CSGALNACT1: variants seen among roughly 807,000 people sequenced by gnomAD.
CSGALNACT1 encodes the protein beta4GalNAcT-1.
In CSGALNACT1, 52 loss-of-function variants were observed where a neutral mutation model predicts 51.0. The ratio of observed to expected loss-of-function variants is 1.02; its 90% CI spans 0.82 to 1.29. The LOEUF (loss-of-function observed/expected upper bound fraction) is 1.29, where lower values mean the gene tolerates loss of function less well. Among genes scored for constraint, CSGALNACT1 ranks in the 50% most tolerant of loss-of-function variants. CSGALNACT1 has a pLI of 0.00. For missense variants in CSGALNACT1, 935 were observed against 679.2 expected (o/e 1.38, Z -4.19); for synonymous variants, 341 against 254.4 (o/e 1.34, Z -3.24).
chr8:19,545,852 T>C (rs2086341256), intron 3 of CSGALNACT1, among the ~76,000 whole-genome samples: 1 of 148,314 alleles, frequency 6.7e-6, no homozygotes, highest in South Asian at 2.1e-4. Context: ...ATAATAGTTA[T>C]ATACTATATA....
intron 3 of CSGALNACT1, among the ~76,000 whole-genome samples, chr8:19,517,962 C>G (rs1587704691): frequency 6.6e-6 from 1 of 152,192 alleles, no homozygotes; most frequent in Non-Finnish European, 1.5e-5. Flanking sequence ...AACTAACATT[C>G]TTCTGTGCAG....
At chr8:19,454,788 G>GT (rs1491218491) in intron 5 of CSGALNACT1, among the ~76,000 whole-genome samples, 4 of 113,208 alleles carry the variant, frequency 3.5e-5, no homozygotes, top group African/African-American at 1.2e-4. Flanking sequence ...ACAAAATGTA[G>GT]TAAAAAAAAA....
rs912588721 is a variant in CSGALNACT1 at position 19,664,340 on chromosome 8, C to T, written c.-544+18133G>A. Among the ~76,000 whole-genome samples the T allele has an allele frequency of 5.9e-5, 9 of 152,064 alleles. No individual in the cohort carries two copies. The South Asian group carries it at 6.2e-4, about 10-fold the overall frequency. On this transcript the variant is annotated intron_variant, in intron 1 of 9. Coordinates refer to the CSGALNACT1 transcript ENST00000332246. ...TATTAAAGAGTCAAAAAATAACAGA[C>T]GTTGGCGAGGAGGTGCAGAAAAGGC...
chr8:19,646,234 G>A (rs1016215303), intron 1 of CSGALNACT1, among the ~76,000 whole-genome samples: 1 of 152,156 alleles, frequency 6.6e-6, no homozygotes, highest in African/African-American at 2.4e-5. Context: ...AACACTGCCT[G>A]GCATGTATCT....
At chr8:19,434,294 C>T (rs927579318) in intron 6 of CSGALNACT1, among the ~76,000 whole-genome samples, 1 of 151,968 alleles carries the variant, frequency 6.6e-6, no homozygotes, top group African/African-American at 2.4e-5. Context: ...ATATATTTTC[C>T]CCACATTTTT....
At chr8:19,464,866 A>G (rs1227867895) in intron 4 of CSGALNACT1, among the ~76,000 whole-genome samples, 1 of 152,166 alleles carries the variant, frequency 6.6e-6, no homozygotes, top group African/African-American at 2.4e-5. Context: ...CAGTTGCAGA[A>G]ACTGGAATCC....
chr8:19,486,720 C>A (rs1027380840), intron 4 of CSGALNACT1, among the ~76,000 whole-genome samples: 3 of 152,172 alleles, frequency 2.0e-5, no homozygotes, highest in South Asian at 2.1e-4. Context: ...AAGCCCCCAG[C>A]CCCCTTAAAC....
intron 2 of CSGALNACT1, among the ~76,000 whole-genome samples, chr8:19,598,085 C>T (rs1194376160): frequency 1.3e-5 from 2 of 152,138 alleles, no homozygotes; most frequent in Non-Finnish European, 2.9e-5. Context: ...AGATATGGGA[C>T]AGCAGAATAA....
intron 3 of CSGALNACT1, among the ~76,000 whole-genome samples, chr8:19,537,798 G>A (rs2084100200): frequency 1.3e-5 from 2 of 152,034 alleles, no homozygotes; most frequent in African/African-American, 4.8e-5. Flanking sequence ...AAACTTTTAG[G>A]AAAAAACATA....
chr8:19,552,804 A>G (rs1033824670), intron 3 of CSGALNACT1, among the ~76,000 whole-genome samples: 2 of 152,228 alleles, frequency 1.3e-5, no homozygotes, highest in East Asian at 3.9e-4. Flanking sequence ...CAGAATGCTT[A>G]TAAGAACAGA....
chr8:19,556,116 G>A (rs568777220), intron 3 of CSGALNACT1, among the ~76,000 whole-genome samples: 34 of 152,232 alleles, frequency 2.2e-4, no homozygotes, highest in African/African-American at 7.7e-4. Context: ...GGTGGTTCAT[G>A]CCTGTAATCC....
At chr8:19,717,861 A>G (rs1246709458) in intron 1 of CSGALNACT1, among the ~76,000 whole-genome samples, 1 of 151,966 alleles carries the variant, frequency 6.6e-6, no homozygotes, top group East Asian at 1.9e-4. Context: ...AGGCACTGCA[A>G]CCCTAGTCTA....
intron 1 of CSGALNACT1, among the ~76,000 whole-genome samples, chr8:19,689,783 T>C (rs1589530655): frequency 6.6e-6 from 1 of 152,192 alleles, no homozygotes. Flanking sequence ...GAGATGCTAG[T>C]TAAATCCCCA....
At chr8:19,418,987 C>A (rs762683911) in intron 7 of CSGALNACT1, among the ~76,000 whole-genome samples, 62 of 152,090 alleles carry the variant, frequency 4.1e-4, no homozygotes, top group Non-Finnish European at 7.5e-4. Flanking sequence ...GCTGAGATTA[C>A]AGGTGCCCGC....
chr8:19,444,072 C>T (rs1379448657), intron 5 of CSGALNACT1, among the ~76,000 whole-genome samples: 1 of 152,164 alleles, frequency 6.6e-6, no homozygotes, highest in Non-Finnish European at 1.5e-5. Context: ...TGGTAATGCT[C>T]ACTTACCAGC....
chr8:19,469,337 G>C (rs1043143479), intron 4 of CSGALNACT1, among the ~76,000 whole-genome samples: 2 of 152,178 alleles, frequency 1.3e-5, no homozygotes, highest in Non-Finnish European at 2.9e-5. Flanking sequence ...GCTACAGTAA[G>C]CTGTGTGTGC....
chr8:19,756,949 C>G (rs977095195), intron 1 of CSGALNACT1, among the ~76,000 whole-genome samples: 3 of 150,448 alleles, frequency 2.0e-5, no homozygotes, highest in African/African-American at 4.9e-5. Flanking sequence ...CTGGAGGCGC[C>G]GCGCCCTCCG....
intron 6 of CSGALNACT1, among the ~76,000 whole-genome samples, chr8:19,423,866 C>T (rs140351442): frequency 1.3e-4 from 20 of 152,346 alleles, no homozygotes; most frequent in African/African-American, 4.6e-4. Context: ...TTTGAATTCA[C>T]TTCATGTGTC....
At chr8:19,443,440 G>A (rs1006708481) in intron 5 of CSGALNACT1, among the ~76,000 whole-genome samples, 2 of 152,102 alleles carry the variant, frequency 1.3e-5, no homozygotes, top group African/African-American at 4.8e-5. Flanking sequence ...ACCCAAGACT[G>A]GGTCATTTAT....
Sources: gnomAD v4.1 joint callset for allele counts (sites outside exome capture counted in the v4.1 genomes callset) on GRCh38, gnomAD v4.1.1 for gene constraint, MANE v1.5 for transcripts, NCBI Gene and HGNC (gene_info 2026-07-23, HGNC 2026-07-21) for gene names.